The following EIPR1 variants were observed in gnomAD, a reference collection of about 807,000 sequenced individuals.
EIPR1 encodes the protein EARP and GARP complex-interacting protein 1.
Under a neutral mutation model 48.1 loss-of-function variants are expected in EIPR1, and 25 were observed. That is an observed-to-expected ratio of 0.52 (90% CI 0.38 to 0.73). The LOEUF (loss-of-function observed/expected upper bound fraction) is 0.73, where lower values mean the gene tolerates loss of function less well. Ranked by LOEUF, EIPR1 falls within the 30% of genes least tolerant of loss-of-function variation. EIPR1 has a pLI of 0.00. For synonymous variants in EIPR1, 204 were observed against 201.9 expected, an observed-to-expected ratio of 1.01 and a Z score of -0.09; for missense variants, 415 against 506.2, an observed-to-expected ratio of 0.82 and a Z score of 1.73.
chr2:3,343,688 C>G (rs568304299), intron 2 of EIPR1, among the ~76,000 whole-genome samples: 1 of 152,282 alleles, frequency 6.6e-6, no homozygotes, highest in Non-Finnish European at 1.5e-5. Context: ...TGAAGATGAA[C>G]TTAATCACCT....
At chr2:3,301,916 C>T (rs111880050) in intron 3 of EIPR1, among the ~76,000 whole-genome samples, 1 of 152,166 alleles carries the variant, frequency 6.6e-6, no homozygotes, top group African/African-American at 2.4e-5. Context: ...ACTTCTAAAA[C>T]AAGGGTCAGG....
At chr2:3,239,456 C>T (rs1666522357) in intron 4 of EIPR1, among the ~76,000 whole-genome samples, 1 of 152,204 alleles carries the variant, frequency 6.6e-6, no homozygotes, top group Non-Finnish European at 1.5e-5. Context: ...AGGAAGGAGG[C>T]TCAGTGTGCC....
At chr2:3,313,811 TG>T (rs1669200954) in intron 3 of EIPR1, among the ~76,000 whole-genome samples, 1 of 152,134 alleles carries the variant, frequency 6.6e-6, no homozygotes, top group Non-Finnish European at 1.5e-5. Context: ...AGCTGGGGCC[TG>T]GGCAGAAATG....
At position 3,316,137 on chromosome 2, in the gene EIPR1, C is replaced by G. The variant is rs1669289447; in HGVS notation, c.259+21880G>C. Among the ~76,000 whole-genome samples the G allele has an allele frequency of 2.9e-5, 4 of 139,336 alleles. No individual in the cohort carries two copies. In the South Asian group the frequency reaches 9.7e-4, roughly 34 times the overall value. The allele number at this position is 139,336 out of a possible 152,430, so 91.4% of individuals were successfully genotyped here. A position where few individuals can be genotyped will look rare whatever the true frequency, so the allele number is the denominator to read the frequency against. On this transcript the variant is annotated intron_variant, in intron 3 of 8. Transcript: ENST00000382125. ...CCACCATCCCCATACACACCCCCACCACCATCACCACCACCATCATCACCA... is the reference window on the plus strand; with the variant it reads ...CCACCATCCCCATACACACCCCCACGACCATCACCACCACCATCATCACCA...
intron 3 of EIPR1, among the ~76,000 whole-genome samples, chr2:3,283,962 A>AAAG (rs1553294332): frequency 0.16 from 22,654 of 138,964 alleles, 2,187 homozygotes; most frequent in Non-Finnish European, 0.22. Context: ...AAAAAAAAAA[A>AAAG]AAAGAAAGAA....
rs539635554 is a variant in EIPR1 at position 3,335,815 on chromosome 2, C to T, written c.259+2202G>A. Among the ~76,000 whole-genome samples the T allele has an allele frequency of 2.4e-4, 36 of 152,250 alleles. No individual in the cohort carries two copies. In the South Asian group the frequency reaches 6.4e-3, roughly 27 times the overall value. ...AAGAAGGCCCTGGCTTCCGTCACCC[C>T]CCACTGTGATTGTGCGTTTCCTGAG... On this transcript the variant is annotated intron_variant, in intron 3 of 8. Coordinates refer to ENST00000382125, the MANE Select transcript of EIPR1 (RefSeq NM_003310.5).
At chr2:3,334,244 T>G (rs896344794) in intron 3 of EIPR1, among the ~76,000 whole-genome samples, 1 of 152,140 alleles carries the variant, frequency 6.6e-6, no homozygotes, top group Non-Finnish European at 1.5e-5. Context: ...GAGGATAAAT[T>G]GCAACTCTGA....
chr2:3,298,142 T>C (rs145935504), intron 3 of EIPR1, among the ~76,000 whole-genome samples: 1,555 of 152,336 alleles, frequency 0.01, 8 homozygotes, highest in Non-Finnish European at 0.017. Context: ...TTTCCCTTCA[T>C]TCCCTTAACA....
chr2:3,340,552 A>T (rs950329973), intron 2 of EIPR1, among the ~76,000 whole-genome samples: 1 of 152,238 alleles, frequency 6.6e-6, no homozygotes, highest in Non-Finnish European at 1.5e-5. Flanking sequence ...ACACCCAAGG[A>T]AAGTTTACTT....
Position 3,250,657 on chromosome 2 carries a change from A to G in EIPR1, c.416+6642T>C, listed in dbSNP as rs147188993. On this transcript the variant is annotated intron_variant, in intron 4 of 8. Coordinates refer to ENST00000382125, the MANE Select transcript of EIPR1 (RefSeq NM_003310.5). Reference sequence around the variant, plus strand: ...AATCTCATGTGGAAATGTGATCCCAATGTTGGAGGCATGGCCTAGTGGGAG... The same window carrying G: ...AATCTCATGTGGAAATGTGATCCCAGTGTTGGAGGCATGGCCTAGTGGGAG... Among the ~76,000 whole-genome samples, 539 of 152,288 alleles carry G rather than the reference A, an allele frequency of 3.5e-3. 7 individuals carry two copies. The highest frequency in any genetic ancestry group is 0.012 in the African/African-American group (519 of 41,550).
chr2:3,295,531 T>C (rs1668539852), intron 3 of EIPR1, among the ~76,000 whole-genome samples: 1 of 64,328 alleles, frequency 1.6e-5, no homozygotes. Context: ...CCATCGTCTC[T>C]CCACACACAC....
At chr2:3,309,852 G>A (rs1669067463) in intron 3 of EIPR1, among the ~76,000 whole-genome samples, 1 of 152,210 alleles carries the variant, frequency 6.6e-6, no homozygotes, top group South Asian at 2.1e-4. Context: ...GTGGGAGAGA[G>A]GCAGCAGAGC....
chr2:3,296,859 C>T (rs182713247), intron 3 of EIPR1, among the ~76,000 whole-genome samples: 2 of 152,384 alleles, frequency 1.3e-5, no homozygotes, highest in Admixed American at 6.5e-5. Context: ...CATCTTTGTC[C>T]TCACAGGTGA....
intron 5 of EIPR1, among the ~76,000 whole-genome samples, chr2:3,207,047 C>T (rs1237201671): frequency 6.6e-6 from 1 of 152,164 alleles, no homozygotes; most frequent in Non-Finnish European, 1.5e-5. Context: ...GCACGAGGGT[C>T]TTCTTGGTGA....
intron 3 of EIPR1, among the ~76,000 whole-genome samples, chr2:3,285,124 C>T (rs1035855306): frequency 9.2e-5 from 14 of 152,152 alleles, no homozygotes; most frequent in Non-Finnish European, 1.6e-4. Context: ...CAGGGCAGGC[C>T]GGACAGTCCC....
At chr2:3,234,233 G>A (rs1666328622) in intron 4 of EIPR1, among the ~76,000 whole-genome samples, 1 of 152,208 alleles carries the variant, frequency 6.6e-6, no homozygotes, top group African/African-American at 2.4e-5. Flanking sequence ...CCAATAAATT[G>A]TGGTTTGTGT....
At chr2:3,333,980 C>A (rs1435438370) in intron 3 of EIPR1, among the ~76,000 whole-genome samples, 1 of 152,088 alleles carries the variant, frequency 6.6e-6, no homozygotes, top group Admixed American at 6.5e-5. Flanking sequence ...AGCCCTCAGC[C>A]TCTTCATTAA....
At chr2:3,250,209 T>C (rs899808285) in intron 4 of EIPR1, among the ~76,000 whole-genome samples, 8 of 152,188 alleles carry the variant, frequency 5.3e-5, no homozygotes, top group African/African-American at 1.9e-4. Flanking sequence ...CTCCAACCCA[T>C]GCAGGCAGCC....
intron 4 of EIPR1, among the ~76,000 whole-genome samples, chr2:3,243,365 C>A (rs534634811): frequency 6.6e-6 from 1 of 151,952 alleles, no homozygotes; most frequent in South Asian, 2.1e-4. Context: ...CACGGTGGCT[C>A]ACACCTGTAA....
Sources: gnomAD v4.1 joint callset for allele counts (sites outside exome capture counted in the v4.1 genomes callset) on GRCh38, gnomAD v4.1.1 for gene constraint, MANE v1.5 for transcripts, NCBI Gene and HGNC (gene_info 2026-07-23, HGNC 2026-07-21) for gene names.